The following TMEM178A variants were observed in gnomAD, a reference collection of about 807,000 sequenced individuals.
TMEM178A encodes transmembrane protein 178A.
A neutral mutation model predicts 29.1 loss-of-function variants in TMEM178A; 12 were observed. The ratio of observed to expected loss-of-function variants is 0.41; its 90% CI spans 0.26 to 0.67. The LOEUF (loss-of-function observed/expected upper bound fraction) is 0.67. Among genes scored for constraint, TMEM178A ranks in the 30% least tolerant of loss-of-function variants. TMEM178A has a pLI of 0.29. For synonymous variants in TMEM178A, 210 were observed against 187.2 expected, an observed-to-expected ratio of 1.12 and a Z score of -0.99; for missense variants, 366 against 419.1, an observed-to-expected ratio of 0.87 and a Z score of 1.11.
At chr2:39,696,921 C>T (rs1370499460) in intron 1 of TMEM178A, among the ~76,000 whole-genome samples, 6 of 152,158 alleles carry the variant, frequency 3.9e-5, no homozygotes, top group African/African-American at 1.4e-4. Context: ...TCTTTTCAAT[C>T]CTCTGCATGT....
intron 1 of TMEM178A, among the ~76,000 whole-genome samples, chr2:39,682,580 C>G (rs1272324115): frequency 6.6e-6 from 1 of 151,928 alleles, no homozygotes; most frequent in Non-Finnish European, 1.5e-5. Context: ...GCAAATAGTT[C>G]CCAGGTGAGG....
intron 1 of TMEM178A, among the ~76,000 whole-genome samples, chr2:39,701,642 T>C (rs1177563234): frequency 2.0e-5 from 3 of 152,102 alleles, no homozygotes; most frequent in Non-Finnish European, 2.9e-5. Flanking sequence ...TTTTTGATCC[T>C]CCTTCTCTCC....
intron 2 of TMEM178A, among the ~76,000 whole-genome samples, chr2:39,706,158 C>T (rs1672023272): frequency 6.6e-6 from 1 of 152,140 alleles, no homozygotes; most frequent in Non-Finnish European, 1.5e-5. Context: ...CAGCCTACCT[C>T]TTGGTTTTGT....
At chr2:39,680,102 TTACTC>T (rs74976132) in intron 1 of TMEM178A, among the ~76,000 whole-genome samples, 2,721 of 152,288 alleles carry the variant, frequency 0.018, 52 homozygotes, top group East Asian at 0.067. Flanking sequence ...GGCATGTTCT[TTACTC>T]TGCTCTTAAC....
chr2:39,680,230 C>T lies in TMEM178A; in HGVS notation c.400+13856C>T, dbSNP rs141786716. 1.6e-3 allele frequency among the ~76,000 whole-genome samples: 239 copies of T among 152,294 alleles called. 1 individual carries two copies. Among genetic ancestry groups the T allele is most frequent in the African/African-American group, 5.5e-3 (227 of 41,558 alleles). The stretch of plus-strand genomic sequence containing the variant: ...TTTAGTCTCTTGTAGCTTTAACCAG[C>T]TGTAGTTATAAGATGCCTAGAAAAC... On this transcript the variant is annotated intron_variant, in intron 1 of 3. Coordinates refer to ENST00000281961, the MANE Select transcript of TMEM178A (RefSeq NM_152390.3).
the TMEM178A span, among the ~76,000 whole-genome samples, chr2:39,723,710 G>A: frequency 1.3e-5 from 2 of 152,110 alleles, no homozygotes; most frequent in Non-Finnish European, 1.5e-5. Context: ...GGGTAGAGAA[G>A]CCAAGGCTCA....
chr2:39,711,509 A>G (rs546273836), intron 3 of TMEM178A, among the ~76,000 whole-genome samples: 11 of 152,282 alleles, frequency 7.2e-5, no homozygotes, highest in African/African-American at 2.6e-4. Flanking sequence ...GCCAACTGGA[A>G]GATCACACAC....
chr2:39,682,452 C>G (rs1670907186), intron 1 of TMEM178A, among the ~76,000 whole-genome samples: 1 of 151,676 alleles, frequency 6.6e-6, no homozygotes, highest in Admixed American at 6.6e-5. Context: ...ATATCGTATG[C>G]TTCTGCTTCT....
the TMEM178A span, among the ~76,000 whole-genome samples, chr2:39,728,420 T>G: frequency 1.3e-5 from 2 of 152,242 alleles, no homozygotes; most frequent in Non-Finnish European, 2.9e-5. Context: ...GGCATTTATT[T>G]ATTCTCTCCT....
chr2:39,693,232 A>G (rs751881452), intron 1 of TMEM178A, among the ~76,000 whole-genome samples: 3 of 152,240 alleles, frequency 2.0e-5, no homozygotes, highest in Non-Finnish European at 2.9e-5. Context: ...CCTGAATCCA[A>G]GAGATTTTAA....
At chr2:39,720,435 T>G (rs1672679411), downstream of TMEM178A, among the ~76,000 whole-genome samples, 1 of 152,206 alleles carries the variant, frequency 6.6e-6, no homozygotes, top group African/African-American at 2.4e-5. Flanking sequence ...CTCCAGATCT[T>G]TGCTCAGGCT....
At chr2:39,690,883 T>C (rs1177651073) in intron 1 of TMEM178A, among the ~76,000 whole-genome samples, 1 of 152,086 alleles carries the variant, frequency 6.6e-6, no homozygotes, top group Non-Finnish European at 1.5e-5. Context: ...TCAGTAGAGA[T>C]AAAAATCATA....
chr2:39,676,162 T>G (rs966610500), intron 1 of TMEM178A, among the ~76,000 whole-genome samples: 12 of 152,252 alleles, frequency 7.9e-5, no homozygotes, highest in African/African-American at 2.9e-4. Context: ...GTTGATAAAG[T>G]GCTTGATAAA....
chr2:39,701,158 T>G (rs984218027), intron 1 of TMEM178A, among the ~76,000 whole-genome samples: 1 of 152,298 alleles, frequency 6.6e-6, no homozygotes, highest in East Asian at 1.9e-4. Flanking sequence ...CTTTTTATTT[T>G]TTAAATATGG....
intron 1 of TMEM178A, among the ~76,000 whole-genome samples, chr2:39,680,281 G>A (rs916842341): frequency 1.3e-5 from 2 of 152,206 alleles, no homozygotes; most frequent in African/African-American, 4.8e-5. Context: ...TCAGCAAAGT[G>A]TCAGGATGGG....
At chr2:39,711,963 G>A (rs1672322120) in intron 3 of TMEM178A, among the ~76,000 whole-genome samples, 1 of 151,812 alleles carries the variant, frequency 6.6e-6, no homozygotes, top group Non-Finnish European at 1.5e-5. Context: ...GTCAGACCAG[G>A]CCAGGATTTG....
In TMEM178A at chr2:39,707,199, C is replaced by A. The variant is rs149030387; in HGVS notation, c.652+13C>A. 2,510 of 1,603,428 alleles carry A rather than the reference C, an allele frequency of 1.6e-3. 32 individuals are homozygous for A. The African/African-American group carries it at 0.029, about 19-fold the overall frequency. On this transcript the variant is annotated intron_variant, in intron 3 of 3. Coordinates refer to ENST00000281961, the MANE Select transcript of TMEM178A (RefSeq NM_152390.3). Reference sequence around the variant, plus strand: ...TTCCTCATGACAGGTAGGCTGCATGCCTCAGGCCGTCTGTCCCAGCCAAGG... The same window carrying A: ...TTCCTCATGACAGGTAGGCTGCATGACTCAGGCCGTCTGTCCCAGCCAAGG...
At chr2:39,719,175 C>T (rs532441747), downstream of TMEM178A, among the ~76,000 whole-genome samples, 14 of 152,254 alleles carry the variant, frequency 9.2e-5, no homozygotes, top group South Asian at 4.1e-4. Flanking sequence ...AGATCAGAGA[C>T]GTATAGAAAG....
chr2:39,667,412 C>A (rs1481272980), intron 1 of TMEM178A, among the ~76,000 whole-genome samples: 2 of 146,074 alleles, frequency 1.4e-5, no homozygotes, highest in East Asian at 2.0e-4. Context: ...CTTTAACTTT[C>A]AGAACTTGAC....
Sources: allele counts gnomAD v4.1 joint callset (sites outside exome capture counted in the v4.1 genomes callset), GRCh38; gene constraint gnomAD v4.1.1; transcripts MANE v1.5; gene names NCBI Gene and HGNC (gene_info 2026-07-23, HGNC 2026-07-21).